Variants in NID1 observed in about 807,000 individuals in gnomAD.
NID1 encodes nidogen-1.
NID1 carries 76 observed loss-of-function variants against 130.6 expected under a neutral mutation model. The observed-to-expected ratio is 0.58, with a 90% CI of 0.48 to 0.70. The LOEUF (loss-of-function observed/expected upper bound fraction) is 0.70. NID1 is among the 30% of genes least tolerant of loss of function. NID1 has a pLI of 0.00. For missense variants in NID1, 1,517 were observed against 1,664.8 expected (o/e 0.91, Z 1.54); for synonymous variants, 665 against 675.1 (o/e 0.98, Z 0.23).
chr1:235,983,067 G>A (rs1338056214), intron 15 of NID1, among the ~76,000 whole-genome samples: 2 of 152,170 alleles, frequency 1.3e-5, no homozygotes, highest in African/African-American at 2.4e-5. Flanking sequence ...TAGAGACAGG[G>A]TTTCACCATG....
chr1:236,018,458 G>C (rs1203039867), intron 9 of NID1, among the ~76,000 whole-genome samples: 2 of 152,228 alleles, frequency 1.3e-5, no homozygotes, highest in African/African-American at 4.8e-5. Context: ...CTAACTCTGG[G>C]AACACGCCCC....
chr1:236,044,056 C>T lies in NID1; in HGVS notation c.752+1401G>A, dbSNP rs528679182. 1.1e-4 allele frequency among the ~76,000 whole-genome samples: 16 copies of T among 152,134 alleles called. 1 individual carries two copies. The highest frequency in any genetic ancestry group is 8.3e-4 in the South Asian group (4 of 4,818). ...AATTACATGAAATAATTATATTATA[C>T]GGTGGACAGAGGGGACATACATTAC... is the stretch of plus-strand genomic sequence containing the variant. On this transcript the variant is annotated intron_variant, in intron 3 of 19. Transcript: ENST00000264187.
chr1:236,057,546 A>G (rs1659928127), intron 1 of NID1, among the ~76,000 whole-genome samples: 1 of 151,794 alleles, frequency 6.6e-6, no homozygotes, highest in Non-Finnish European at 1.5e-5. Context: ...CCTGGCCAAC[A>G]TGCTGAAACT....
intron 7 of NID1, among the ~76,000 whole-genome samples, chr1:236,029,032 C>G (rs542682246): frequency 1.3e-5 from 2 of 152,024 alleles, no homozygotes; most frequent in East Asian, 3.9e-4. Context: ...CAAAAATTAG[C>G]CAGGTGTGGT....
intron 15 of NID1, 45 bp downstream of exon 15, chr1:235,985,334 G>T (rs763859449): frequency 3.1e-6 from 5 of 1,611,676 alleles, no homozygotes; most frequent in African/African-American, 2.7e-5. Flanking sequence ...CACTTTGGCT[G>T]CTAGAAGCAA....
chr1:236,064,708 G>A (rs1328800632), intron 1 of NID1, 147 bp downstream of exon 1: 10 of 708,608 alleles, frequency 1.4e-5, no homozygotes, highest in Non-Finnish European at 1.7e-5. Flanking sequence ...ACCCTGCAGA[G>A]GCGGGAGACC....
At chr1:236,004,555 G>A (rs888185985) in intron 12 of NID1, among the ~76,000 whole-genome samples, 1 of 151,974 alleles carries the variant, frequency 6.6e-6, no homozygotes, top group East Asian at 1.9e-4. Flanking sequence ...GAGGTCAGGA[G>A]ATAGAGACCA....
intron 9 of NID1, among the ~76,000 whole-genome samples, chr1:236,021,308 C>CCTCCCT (rs1180057192): frequency 2.0e-5 from 3 of 152,154 alleles, no homozygotes; most frequent in Non-Finnish European, 4.4e-5. Flanking sequence ...CACTATGTCC[C>CCTCCCT]CTCCCTAGCG....
chr1:235,993,578 T>C, intron 13 of NID1, 67 bp downstream of exon 13: 1 of 1,342,678 alleles, frequency 7.4e-7, no homozygotes, highest in East Asian at 2.5e-5. Context: ...AAAGAGCGTG[T>C]TCAGCAATTC....
chr1:236,026,905 A>C (rs917082794), intron 7 of NID1, among the ~76,000 whole-genome samples: 1 of 151,842 alleles, frequency 6.6e-6, no homozygotes, highest in East Asian at 1.9e-4. Context: ...CGCTCAGCTC[A>C]TTTTTTTGTA....
Position 236,049,009 on chromosome 1 carries a change from G to T in NID1, c.226-20C>A, listed in dbSNP as rs1240241027. The T allele has an allele frequency of 6.2e-7, 1 of 1,605,236 alleles. No homozygotes were observed. On this transcript the variant is annotated intron_variant, in intron 1 of 19. Transcript: ENST00000264187. ...GGTGACCTGTACAAAACCAAGTGTGGTTAAAAGGAATGCAGAAACGGGTCC... is the reference window on the plus strand; with the variant it reads ...GGTGACCTGTACAAAACCAAGTGTGTTTAAAAGGAATGCAGAAACGGGTCC...
At chr1:235,990,385 C>T (rs1363988500) in intron 14 of NID1, among the ~76,000 whole-genome samples, 1 of 152,142 alleles carries the variant, frequency 6.6e-6, no homozygotes, top group East Asian at 1.9e-4. Flanking sequence ...CAGACCCTCC[C>T]CTCTCCTTCA....
intron 9 of NID1, among the ~76,000 whole-genome samples, chr1:236,018,560 TC>T (rs1658665822): frequency 6.6e-6 from 1 of 152,126 alleles, no homozygotes; most frequent in Non-Finnish European, 1.5e-5. Flanking sequence ...AACCTGTCAT[TC>T]CCCCTGGTTA....
At chr1:236,040,887 A>G (rs1203990680) in intron 4 of NID1, among the ~76,000 whole-genome samples, 1 of 151,810 alleles carries the variant, frequency 6.6e-6, no homozygotes, top group African/African-American at 2.4e-5. Context: ...CTGGTCTCCA[A>G]CTCCTGACCT....
rs114582556 is a variant in NID1, at chr1:236,040,489, G to A, written c.1135+1421C>T. 3.4e-3 allele frequency among the ~76,000 whole-genome samples: 515 copies of A among 152,244 alleles called. 3 individuals carry two copies. The highest frequency in any genetic ancestry group is 0.012 in the African/African-American group (490 of 41,552). ...GCAAATAAAAATGAGTGAACAGTGT[G>A]GAATGGGCCAGACTTCTCTAAGAGT... On this transcript the variant is annotated intron_variant, in intron 4 of 19. Transcript: ENST00000264187.
intron 11 of NID1, among the ~76,000 whole-genome samples, chr1:236,012,339 C>T (rs928097519): frequency 5.3e-5 from 8 of 152,006 alleles, no homozygotes; most frequent in Non-Finnish European, 1.0e-4. Context: ...GGCAGATCAC[C>T]TGAGGTCAGG....
At chr1:236,059,117 A>T (rs1304964962) in intron 1 of NID1, among the ~76,000 whole-genome samples, 1 of 152,232 alleles carries the variant, frequency 6.6e-6, no homozygotes, top group Non-Finnish European at 1.5e-5. Flanking sequence ...TCACACAGCC[A>T]GTAAGTGATA....
At chr1:236,010,709 C>T (rs1658386119) in intron 12 of NID1, among the ~76,000 whole-genome samples, 2 of 152,294 alleles carry the variant, frequency 1.3e-5, no homozygotes, top group African/African-American at 4.8e-5. Context: ...TGGCTGTGTT[C>T]CAATAAAACT....
At chr1:235,993,409 G>T (rs1050299840) in intron 13 of NID1, among the ~76,000 whole-genome samples, 2 of 149,156 alleles carry the variant, frequency 1.3e-5, no homozygotes, top group Admixed American at 1.3e-4. Flanking sequence ...GTGTGTGTTG[G>T]GTGGGGAAGG....
Sources: allele counts gnomAD v4.1 joint callset (sites outside exome capture counted in the v4.1 genomes callset), GRCh38; gene constraint gnomAD v4.1.1; transcripts MANE v1.5; gene names NCBI Gene and HGNC (gene_info 2026-07-23, HGNC 2026-07-21).